FGF14: variants seen among roughly 807,000 people sequenced by gnomAD.
FGF14 encodes the protein fibroblast growth factor homologous factor 4.
In FGF14, 5 loss-of-function variants were observed where a neutral mutation model predicts 25.5. The observed-to-expected ratio is 0.20, with a 90% CI of 0.10 to 0.41. The LOEUF is 0.41. FGF14 is among the 10% of genes least tolerant of loss of function. The pLI is 1.00. For missense variants in FGF14, 222 were observed against 320.1 expected, an observed-to-expected ratio of 0.69 and a Z score of 2.34; for synonymous variants, 138 against 118.3, an observed-to-expected ratio of 1.17 and a Z score of -1.08.
In FGF14 at chr13:102,326,753, A is replaced by AGG. The variant is rs1566939213; in HGVS notation, c.208+74717_208+74718insCC. 4.8e-3 allele frequency among the ~76,000 whole-genome samples: 403 copies of AGG among 84,742 alleles called. 20 individuals carry two copies. Among genetic ancestry groups the AGG allele is most frequent in the African/African-American group, 0.018 (322 of 18,000 alleles). 55.6% of individuals were successfully genotyped at this position (84,742 alleles called of 152,430 possible). ...AAGGAAGGAAGGAAGGAAGGAAGGA[A>AGG]AGAGGGAGGGAAGGAAGGAAGAAAA... On this transcript the variant is annotated intron_variant, in intron 1 of 4. Coordinates refer to the FGF14 transcript ENST00000376131.
chr13:101,881,958 A>G (rs1446101802), intron 1 of FGF14, among the ~76,000 whole-genome samples: 1 of 152,192 alleles, frequency 6.6e-6, no homozygotes, highest in Non-Finnish European at 1.5e-5. Flanking sequence ...GAGAGAGTAC[A>G]TATGTCCCAG....
chr13:102,361,115 T>G (rs1475661346), intron 1 of FGF14, among the ~76,000 whole-genome samples: 2 of 152,178 alleles, frequency 1.3e-5, no homozygotes, highest in Admixed American at 6.6e-5. Flanking sequence ...AATTAAAAAG[T>G]TATATAATAC....
At chr13:101,787,494 ACT>A (rs1480378268) in intron 3 of FGF14, among the ~76,000 whole-genome samples, 3 of 152,014 alleles carry the variant, frequency 2.0e-5, no homozygotes, top group African/African-American at 7.3e-5. Flanking sequence ...CTGTTTTTCC[ACT>A]GAGTTACAAA....
chr13:101,820,591 A>G (rs1045591858), intron 3 of FGF14, among the ~76,000 whole-genome samples: 1 of 95,856 alleles, frequency 1.0e-5, no homozygotes, highest in Non-Finnish European at 2.7e-5. Flanking sequence ...AATTACATAT[A>G]TATTCATTTA....
intron 3 of FGF14, among the ~76,000 whole-genome samples, chr13:101,854,198 CTTTA>C (rs1475798333): frequency 2.6e-5 from 4 of 152,024 alleles, no homozygotes; most frequent in Admixed American, 6.6e-5. Flanking sequence ...GGAATCTTTT[CTTTA>C]TTTGAGATTA....
chr13:101,990,464 C>T (rs1410985902), intron 1 of FGF14, among the ~76,000 whole-genome samples: 1 of 151,978 alleles, frequency 6.6e-6, no homozygotes, highest in Non-Finnish European at 1.5e-5. Flanking sequence ...TTACTCAACA[C>T]TTTTTTTTCT....
At chr13:101,744,990 G>C (rs2036794365) in intron 3 of FGF14, among the ~76,000 whole-genome samples, 1 of 152,038 alleles carries the variant, frequency 6.6e-6, no homozygotes, top group Admixed American at 6.6e-5. Context: ...TATGTGGTCA[G>C]AATTATGACT....
chr13:101,859,169 A>G (rs1287404791), intron 3 of FGF14, among the ~76,000 whole-genome samples: 4 of 152,098 alleles, frequency 2.6e-5, no homozygotes, highest in Non-Finnish European at 5.9e-5. Flanking sequence ...ACATGAAGCC[A>G]CTCGAGGAAT....
intron 4 of FGF14, among the ~76,000 whole-genome samples, chr13:101,724,943 C>T (rs999380842): frequency 1.3e-5 from 2 of 151,816 alleles, no homozygotes; most frequent in African/African-American, 2.4e-5. Flanking sequence ...TACCAAGTAT[C>T]ATTCTATACC....
chr13:102,302,601 T>G (rs1460001461), intron 1 of FGF14, among the ~76,000 whole-genome samples: 1 of 152,128 alleles, frequency 6.6e-6, no homozygotes, highest in Non-Finnish European at 1.5e-5. Flanking sequence ...TCTTAAAAGC[T>G]TCTTAAATGT....
chr13:101,784,174 T>C (rs761113923), intron 3 of FGF14, among the ~76,000 whole-genome samples: 2 of 152,200 alleles, frequency 1.3e-5, no homozygotes, highest in Non-Finnish European at 2.9e-5. Context: ...TTGATATTCC[T>C]TAAAGTTCTT....
intron 1 of FGF14, chr13:102,002,223 T>A (rs1174743635): frequency 6.6e-6 from 1 of 151,880 alleles, no homozygotes; most frequent in African/African-American, 2.4e-5. Flanking sequence ...AAAAAAAAAA[T>A]GGGCTTATTT....
chr13:102,212,925 A>C (rs772126587), intron 1 of FGF14, among the ~76,000 whole-genome samples: 16 of 151,788 alleles, frequency 1.1e-4, no homozygotes, highest in Non-Finnish European at 1.8e-4. Context: ...CCACTTCCCC[A>C]CCCCCCACAG....
intron 1 of FGF14, among the ~76,000 whole-genome samples, chr13:101,901,914 G>A (rs1293639868): frequency 6.6e-6 from 1 of 152,064 alleles, no homozygotes; most frequent in Non-Finnish European, 1.5e-5. Flanking sequence ...GCTTTACTGA[G>A]ACATAATTAA....
chr13:101,918,185 T>G (rs932240660), upstream of FGF14, among the ~76,000 whole-genome samples: 3 of 151,950 alleles, frequency 2.0e-5, no homozygotes, highest in Admixed American at 6.5e-5. Context: ...AGGGCGGCAG[T>G]GGAGGGCACC....
chr13:101,821,530 A>G (rs1312856973), intron 3 of FGF14, among the ~76,000 whole-genome samples: 2 of 152,354 alleles, frequency 1.3e-5, no homozygotes, highest in East Asian at 3.9e-4. Context: ...TTTAGTAGAA[A>G]CATTTGTCTC....
At chr13:102,161,653 A>AG (rs1431542606) in intron 1 of FGF14, among the ~76,000 whole-genome samples, 1 of 23,892 alleles carries the variant, frequency 4.2e-5, no homozygotes, top group African/African-American at 1.9e-4. Flanking sequence ...GAAGAAGAAG[A>AG]AGAAGAAGAA....
chr13:101,727,234 C>T (rs752329191), intron 3 of FGF14, among the ~76,000 whole-genome samples: 5 of 152,170 alleles, frequency 3.3e-5, no homozygotes, highest in Non-Finnish European at 7.4e-5. Context: ...CTACAGTTGC[C>T]AGTTGCTCCT....
rs2139657177 is a variant in FGF14, at chr13:101,722,703, G to A, written c.*128C>T. 1.5e-5 allele frequency: 20 copies of A among 1,309,176 alleles called. No homozygotes were observed. In the South Asian group the frequency reaches 2.5e-4, roughly 17 times the overall value. 81.1% of individuals were successfully genotyped at this position (1,309,176 alleles called of 1,614,324 possible). On this transcript the variant is annotated 3_prime_UTR_variant, in exon 5 of 5. Coordinates refer to ENST00000376143, the MANE Select transcript of FGF14 (RefSeq NM_004115.4). The stretch of plus-strand genomic sequence containing the variant: ...TATCCACTTGCAACAGAGAAGTTCG[G>A]AGACAGCAAAGAATAAGCATTAGCT...
Sources: gnomAD v4.1 joint callset for allele counts (sites outside exome capture counted in the v4.1 genomes callset) on GRCh38, gnomAD v4.1.1 for gene constraint, MANE v1.5 for transcripts, NCBI Gene and HGNC (gene_info 2026-07-23, HGNC 2026-07-21) for gene names.